Variants in FARS2 observed in about 807,000 individuals in gnomAD.
FARS2 encodes the protein phenylalanyl-tRNA synthetase 2, mitochondrial.
FARS2 carries 40 observed loss-of-function variants against 46.4 expected under a neutral mutation model. The ratio of observed to expected loss-of-function variants is 0.86; its 90% confidence interval spans 0.67 to 1.12. The LOEUF (loss-of-function observed/expected upper bound fraction) is 1.12, where lower values mean the gene tolerates loss of function less well. FARS2 is among the 50% of genes most tolerant of loss of function. FARS2 has a pLI of 0.00. For missense variants in FARS2, 513 were observed against 567.9 expected (o/e 0.90, Z 0.98); for synonymous variants, 234 against 214.9 (o/e 1.09, Z -0.78).
At chr6:5,376,617 T>G (rs1759398965) in intron 2 of FARS2, among the ~76,000 whole-genome samples, 1 of 152,206 alleles carries the variant, frequency 6.6e-6, no homozygotes, top group Non-Finnish European at 1.5e-5. Context: ...GCAATTAACA[T>G]AAACGATCTA....
At chr6:5,456,668 T>G (rs1764890298) in intron 4 of FARS2, among the ~76,000 whole-genome samples, 1 of 135,288 alleles carries the variant, frequency 7.4e-6, no homozygotes, top group Admixed American at 8.5e-5. Flanking sequence ...GAGGCGGAGG[T>G]TGCAGTGAGC....
At chr6:5,335,212 A>C (rs572264158) in intron 1 of FARS2, among the ~76,000 whole-genome samples, 2 of 151,984 alleles carry the variant, frequency 1.3e-5, no homozygotes, top group East Asian at 3.9e-4. Flanking sequence ...GCTTTAAGTG[A>C]CTCTTGTATT....
At chr6:5,399,205 C>T (rs1761103374) in intron 2 of FARS2, among the ~76,000 whole-genome samples, 2 of 146,906 alleles carry the variant, frequency 1.4e-5, no homozygotes, top group Non-Finnish European at 3.0e-5. Context: ...GACGGAGTCT[C>T]CTTTTGTTGC....
At chr6:5,761,683 AT>A (rs1226847200) in intron 6 of FARS2, among the ~76,000 whole-genome samples, 2 of 152,190 alleles carry the variant, frequency 1.3e-5, no homozygotes, top group South Asian at 2.1e-4. Context: ...CTTTGGAAAT[AT>A]GTGCAAAATG....
intron 1 of FARS2, among the ~76,000 whole-genome samples, chr6:5,264,246 AC>A (rs1168406850): frequency 6.6e-6 from 1 of 152,096 alleles, no homozygotes; most frequent in East Asian, 1.9e-4. Context: ...GACCCTGTCT[AC>A]CAAAAAGAAA....
At chr6:5,259,230 C>A (rs1764827450), upstream of FARS2, among the ~76,000 whole-genome samples, 1 of 152,190 alleles carries the variant, frequency 6.6e-6, no homozygotes, top group Non-Finnish European at 1.5e-5. Flanking sequence ...CTATTTTACT[C>A]CAGACTATGG....
At chr6:5,561,157 AG>A (rs1162054724) in intron 5 of FARS2, among the ~76,000 whole-genome samples, 1 of 152,178 alleles carries the variant, frequency 6.6e-6, no homozygotes, top group Non-Finnish European at 1.5e-5. Flanking sequence ...AAACAAAAAA[AG>A]TATTGGCATA....
At chr6:5,748,927 A>T (rs1761789735) in intron 6 of FARS2, among the ~76,000 whole-genome samples, 2 of 152,246 alleles carry the variant, frequency 1.3e-5, no homozygotes, top group African/African-American at 4.8e-5. Flanking sequence ...TTCAGATGTC[A>T]TGAAGAGTAC....
intron 2 of FARS2, among the ~76,000 whole-genome samples, chr6:5,403,659 T>G (rs1000716382): frequency 3.9e-5 from 6 of 152,208 alleles, no homozygotes; most frequent in African/African-American, 1.4e-4. Flanking sequence ...TGGTTCTAAT[T>G]ATCAAAACCA....
chr6:5,718,878 C>G (rs1163474738), intron 6 of FARS2, among the ~76,000 whole-genome samples: 1 of 152,198 alleles, frequency 6.6e-6, no homozygotes, highest in Non-Finnish European at 1.5e-5. Flanking sequence ...TATCTAGAAT[C>G]TTCCTGCTAA....
intron 1 of FARS2, among the ~76,000 whole-genome samples, chr6:5,344,257 A>G (rs1757081533): frequency 6.6e-6 from 1 of 152,094 alleles, no homozygotes; most frequent in South Asian, 2.1e-4. Flanking sequence ...TGCTAATACC[A>G]TTGCTGCAGA....
intron 6 of FARS2, among the ~76,000 whole-genome samples, chr6:5,709,542 T>A (rs1319952055): frequency 1.3e-5 from 2 of 149,594 alleles, no homozygotes; most frequent in Admixed American, 6.7e-5. Context: ...TTCCTGGATT[T>A]AAAAAAAAAA....
chr6:5,257,565 GA>G (rs1764737409), upstream of FARS2, among the ~76,000 whole-genome samples: 1 of 152,176 alleles, frequency 6.6e-6, no homozygotes, highest in Non-Finnish European at 1.5e-5. Context: ...GGCCTGTTAG[GA>G]ACCGGGCCAC....
At chr6:5,641,283 GTTTATTTTAT>G (rs546965598) in intron 6 of FARS2, among the ~76,000 whole-genome samples, 5 of 151,744 alleles carry the variant, frequency 3.3e-5, no homozygotes, top group Middle Eastern at 3.4e-3. Flanking sequence ...CGTGTCCCCA[GTTTATTTTAT>G]TTTATTTTAT....
intron 2 of FARS2, among the ~76,000 whole-genome samples, chr6:5,372,013 C>T (rs1759094226): frequency 6.6e-6 from 1 of 151,894 alleles, no homozygotes; most frequent in South Asian, 2.1e-4. Context: ...AAAGTTGGTA[C>T]AGCAATATTA....
intron 1 of FARS2, among the ~76,000 whole-genome samples, chr6:5,335,155 C>T (rs899407728): frequency 6.6e-6 from 1 of 152,198 alleles, no homozygotes; most frequent in Admixed American, 6.5e-5. Flanking sequence ...AAGGTGTTGT[C>T]TGAATTTTTA....
intron 6 of FARS2, among the ~76,000 whole-genome samples, chr6:5,654,688 C>T (rs1026962277): frequency 2.6e-4 from 39 of 152,136 alleles, no homozygotes; most frequent in African/African-American, 6.0e-4. Context: ...TGAGACCCCT[C>T]GGTGGGAGGT....
chr6:5,462,512 T>A (rs150385093), intron 4 of FARS2, among the ~76,000 whole-genome samples: 43 of 152,336 alleles, frequency 2.8e-4, no homozygotes, highest in African/African-American at 1.0e-3. Flanking sequence ...AGTTTATTAT[T>A]TTATCTCCTG....
chr6:5,289,542 G>A (rs780543120), intron 1 of FARS2, among the ~76,000 whole-genome samples: 2 of 152,204 alleles, frequency 1.3e-5, no homozygotes, highest in Non-Finnish European at 2.9e-5. Flanking sequence ...AGTGGTCCAC[G>A]ACCAGTCTGA....
Sources: allele counts gnomAD v4.1 joint callset (sites outside exome capture counted in the v4.1 genomes callset), GRCh38; gene constraint gnomAD v4.1.1; transcripts MANE v1.5; gene names NCBI Gene and HGNC (gene_info 2026-07-23, HGNC 2026-07-21).